Variants in ZNF521 observed in about 807,000 individuals in gnomAD.
ZNF521 encodes LYST-interacting protein 3.
A neutral mutation model predicts 105.5 loss-of-function variants in ZNF521; 14 were observed. The ratio of observed to expected loss-of-function variants is 0.13; its 90% CI spans 0.09 to 0.21. The LOEUF is 0.21. Ranked by LOEUF, ZNF521 falls within the 10% of genes least tolerant of loss-of-function variation. The probability of loss-of-function intolerance (pLI) is 1.00; values close to 1 mark genes in which losing one functional copy is unlikely to be tolerated. For synonymous variants in ZNF521, 635 were observed against 606.0 expected (o/e 1.05, Z -0.70); for missense variants, 1,233 against 1,629.7 (o/e 0.76, Z 4.19).
chr18:25,190,626 T>A (rs1419212622), intron 5 of ZNF521, among the ~76,000 whole-genome samples: 1 of 152,112 alleles, frequency 6.6e-6, no homozygotes. Context: ...AAAACAATAA[T>A]GAAGATTAGT....
chr18:25,200,254 C>G (rs1025608207), intron 4 of ZNF521, among the ~76,000 whole-genome samples: 3 of 152,094 alleles, frequency 2.0e-5, no homozygotes, highest in Non-Finnish European at 2.9e-5. Flanking sequence ...AAGTAACTTA[C>G]GAGAGCGAAG....
At chr18:25,175,027 C>T (rs2035512800) in intron 5 of ZNF521, among the ~76,000 whole-genome samples, 1 of 152,180 alleles carries the variant, frequency 6.6e-6, no homozygotes, top group Non-Finnish European at 1.5e-5. Flanking sequence ...TATTACCATT[C>T]CTGTCAATGA....
At chr18:25,298,031 A>G (rs752170620) in intron 3 of ZNF521, among the ~76,000 whole-genome samples, 1 of 152,110 alleles carries the variant, frequency 6.6e-6, no homozygotes, top group Non-Finnish European at 1.5e-5. Flanking sequence ...CAACATATTC[A>G]ATTATTCACC....
At chr18:25,156,311 C>T (rs1047182492) in intron 5 of ZNF521, among the ~76,000 whole-genome samples, 17 of 152,152 alleles carry the variant, frequency 1.1e-4, no homozygotes, top group Admixed American at 2.6e-4. Flanking sequence ...AGTCCAGTTC[C>T]CATCAGCATC....
intron 3 of ZNF521, among the ~76,000 whole-genome samples, chr18:25,232,769 T>C (rs546100383): frequency 1.3e-5 from 2 of 152,344 alleles, no homozygotes; most frequent in African/African-American, 4.8e-5. Context: ...ATACAATCAT[T>C]GCATTATTTA....
chr18:25,283,924 C>CG (rs1568054774), intron 3 of ZNF521, among the ~76,000 whole-genome samples: 17 of 111,348 alleles, frequency 1.5e-4, no homozygotes, highest in Non-Finnish European at 3.1e-4. Flanking sequence ...CAATACTTTC[C>CG]CCCCCCCCCA....
At chr18:25,351,916 G>T (rs1191463890) in intron 1 of ZNF521, 89 bp downstream of exon 1, 1 of 280,574 alleles carries the variant, frequency 3.6e-6, no homozygotes, top group Non-Finnish European at 7.3e-6. Flanking sequence ...CGGCGGCAGC[G>T]GCGGCGAGAG....
chr18:25,168,388 C>T (rs150830564), intron 5 of ZNF521, among the ~76,000 whole-genome samples: 404 of 152,216 alleles, frequency 2.7e-3, no homozygotes, highest in Non-Finnish European at 3.7e-3. Flanking sequence ...CCTTTTCTCC[C>T]GGTTCTGTAT....
intron 3 of ZNF521, among the ~76,000 whole-genome samples, chr18:25,243,623 ACTCATTTC>A (rs1211918874): frequency 1.3e-5 from 2 of 152,058 alleles, no homozygotes; most frequent in East Asian, 3.9e-4. Flanking sequence ...TCTAAGACAA[ACTCATTTC>A]CTCAGAAGAT....
At chr18:25,205,400 C>T (rs193096375) in intron 4 of ZNF521, among the ~76,000 whole-genome samples, 30 of 152,150 alleles carry the variant, frequency 2.0e-4, no homozygotes, top group African/African-American at 6.7e-4. Flanking sequence ...CAGAAACAAA[C>T]CTGAGAAGGA....
chr18:25,084,077 C>T (rs1308075683), intron 7 of ZNF521, among the ~76,000 whole-genome samples: 5 of 151,122 alleles, frequency 3.3e-5, no homozygotes, highest in South Asian at 2.1e-4. Flanking sequence ...AGCCACTGTG[C>T]CTGGCCTGTA....
intron 5 of ZNF521, among the ~76,000 whole-genome samples, chr18:25,133,827 C>T (rs2144404751): frequency 6.6e-6 from 1 of 151,740 alleles, no homozygotes; most frequent in South Asian, 2.1e-4. Flanking sequence ...AGTTAAAGGC[C>T]TGAGGGAATC....
intron 5 of ZNF521, among the ~76,000 whole-genome samples, chr18:25,179,828 A>C (rs1282641743): frequency 5.3e-5 from 8 of 152,222 alleles, no homozygotes; most frequent in African/African-American, 1.9e-4. Flanking sequence ...GACGGTGGGT[A>C]CATGTCCACA....
rs193252048 is a variant in ZNF521 at position 25,221,617 on chromosome 18, A to T, written c.3573+2728T>A. 2.7e-3 allele frequency among the ~76,000 whole-genome samples: 406 copies of T among 152,308 alleles called. 1 individual carries two copies. The highest frequency in any genetic ancestry group is 3.8e-3 in the Non-Finnish European group (261 of 68,022). ...ACCACCTATGTTGCTAAGTCCTTCAATTGCTACCTAGGGCATCTAAGTCAA... is the reference window on the plus strand; with the variant it reads ...ACCACCTATGTTGCTAAGTCCTTCATTTGCTACCTAGGGCATCTAAGTCAA... On this transcript the variant is annotated intron_variant, in intron 4 of 7. Coordinates refer to ENST00000361524, the MANE Select transcript of ZNF521 (RefSeq NM_015461.3).
intron 3 of ZNF521, among the ~76,000 whole-genome samples, chr18:25,306,394 G>C (rs34606340): frequency 0.064 from 9,747 of 152,100 alleles, 454 homozygotes; most frequent in Non-Finnish European, 0.087. Flanking sequence ...TTCTTTTTTG[G>C]GGGGGAAAGG....
intron 3 of ZNF521, among the ~76,000 whole-genome samples, chr18:25,316,197 G>C (rs947588465): frequency 6.6e-6 from 1 of 151,876 alleles, no homozygotes; most frequent in Non-Finnish European, 1.5e-5. Context: ...CATGGAACGG[G>C]CAGGGAGAAA....
At chr18:25,159,566 C>G (rs528087806) in intron 5 of ZNF521, among the ~76,000 whole-genome samples, 12 of 152,094 alleles carry the variant, frequency 7.9e-5, no homozygotes, top group Non-Finnish European at 7.3e-5. Flanking sequence ...AAATAACGAT[C>G]ACATCTGTGG....
At chr18:25,338,259 T>TTTTGTGTGTG (rs1555666852) in intron 2 of ZNF521, among the ~76,000 whole-genome samples, 7 of 136,510 alleles carry the variant, frequency 5.1e-5, no homozygotes, top group South Asian at 2.6e-4. Flanking sequence ...TCATAGACTT[T>TTTTGTGTGTG]TGTGTGTGTG....
At chr18:25,266,437 A>T (rs1159260633) in intron 3 of ZNF521, among the ~76,000 whole-genome samples, 21 of 152,366 alleles carry the variant, frequency 1.4e-4, no homozygotes, top group Non-Finnish European at 5.9e-5. Flanking sequence ...CTTTAAAAAT[A>T]CTATAAATCG....
Sources: allele counts gnomAD v4.1 joint callset (sites outside exome capture counted in the v4.1 genomes callset), GRCh38; gene constraint gnomAD v4.1.1; transcripts MANE v1.5; gene names NCBI Gene and HGNC (gene_info 2026-07-23, HGNC 2026-07-21).